The following CNTNAP2 variants were observed in gnomAD, a reference collection of about 807,000 sequenced individuals.
CNTNAP2 encodes contactin associated protein 2, also known as contactin-associated protein-like 2.
In CNTNAP2, 98 loss-of-function variants were observed where a neutral mutation model predicts 155.2. The ratio of observed to expected loss-of-function variants is 0.63; its 90% CI spans 0.54 to 0.75. The LOEUF is 0.75. Ranked by LOEUF, CNTNAP2 falls within the 30% of genes least tolerant of loss-of-function variation. The probability of loss-of-function intolerance (pLI) is 0.00; values close to 1 mark genes in which losing one functional copy is unlikely to be tolerated. For missense variants in CNTNAP2, 1,727 were observed against 1,688.1 expected (o/e 1.02, Z -0.40); for synonymous variants, 651 against 631.2 (o/e 1.03, Z -0.47).
At chr7:146,335,211 T>C (rs543636575) in intron 1 of CNTNAP2, among the ~76,000 whole-genome samples, 6 of 152,346 alleles carry the variant, frequency 3.9e-5, no homozygotes, top group Non-Finnish European at 8.8e-5. Context: ...GTTTTCATTA[T>C]GACAAAAATA....
In CNTNAP2 at chr7:146,908,136, C is replaced by T. The variant is rs1274352679; in HGVS notation, c.402+68232C>T. ...TATATATGCACCCAATACAGGAGCA[C>T]CCAGATTCATAAAGCAAGTCCTGAG... On this transcript the variant is annotated intron_variant, in intron 3 of 23. Coordinates refer to ENST00000361727, the MANE Select transcript of CNTNAP2 (RefSeq NM_014141.6). Among the ~76,000 whole-genome samples, 9 of 152,184 alleles carry T rather than the reference C, an allele frequency of 5.9e-5. No individual in the cohort carries two copies. In the East Asian group the frequency reaches 1.5e-3, roughly 26 times the overall value.
intron 1 of CNTNAP2, among the ~76,000 whole-genome samples, chr7:146,744,248 AAAAG>A (rs1198020687): frequency 1.3e-5 from 2 of 151,306 alleles, no homozygotes; most frequent in Non-Finnish European, 2.9e-5. Context: ...AAAAAAAAAA[AAAAG>A]CATTTAGATT....
intron 8 of CNTNAP2, among the ~76,000 whole-genome samples, chr7:147,240,921 A>G (rs1455232925): frequency 1.3e-5 from 2 of 152,124 alleles, no homozygotes; most frequent in Non-Finnish European, 2.9e-5. Context: ...GGATTCATTT[A>G]TTTGGGGGTG....
intron 8 of CNTNAP2, among the ~76,000 whole-genome samples, chr7:147,203,563 G>T: frequency 6.6e-6 from 1 of 152,252 alleles, no homozygotes; most frequent in Non-Finnish European, 1.5e-5. Flanking sequence ...TCTAATGACA[G>T]AAACCATGAG....
At chr7:147,784,099 CTCTT>C (rs991543495) in intron 13 of CNTNAP2, among the ~76,000 whole-genome samples, 4 of 151,972 alleles carry the variant, frequency 2.6e-5, no homozygotes, top group Non-Finnish European at 5.9e-5. Context: ...ATGGAATTCT[CTCTT>C]TGTGCATGTC....
chr7:147,741,383 A>G (rs1796953954), intron 13 of CNTNAP2, among the ~76,000 whole-genome samples: 1 of 152,228 alleles, frequency 6.6e-6, no homozygotes, highest in African/African-American at 2.4e-5. Flanking sequence ...TTGCAGTTTA[A>G]TCCATGACCT....
At chr7:146,897,096 A>G (rs1476421288) in intron 3 of CNTNAP2, among the ~76,000 whole-genome samples, 1 of 152,154 alleles carries the variant, frequency 6.6e-6, no homozygotes, top group Admixed American at 6.6e-5. Context: ...TTATGAGGGC[A>G]TCTCTCACTA....
chr7:147,351,296 T>C (rs192788700), intron 9 of CNTNAP2, among the ~76,000 whole-genome samples: 70 of 151,906 alleles, frequency 4.6e-4, no homozygotes, highest in Non-Finnish European at 5.2e-4. Flanking sequence ...AATTTGTATA[T>C]ATTATACTAA....
intron 13 of CNTNAP2, among the ~76,000 whole-genome samples, chr7:147,867,131 T>C (rs945637627): frequency 3.3e-5 from 5 of 152,218 alleles, no homozygotes; most frequent in African/African-American, 1.2e-4. Flanking sequence ...GGAGCTCTTG[T>C]AGGGCAGGCC....
At chr7:147,136,915 C>A (rs907457211) in intron 8 of CNTNAP2, among the ~76,000 whole-genome samples, 1 of 151,728 alleles carries the variant, frequency 6.6e-6, no homozygotes, top group Non-Finnish European at 1.5e-5. Flanking sequence ...AATGTTTCAG[C>A]ATTACTACAA....
chr7:147,428,388 G>T (rs1264042997), intron 10 of CNTNAP2, among the ~76,000 whole-genome samples: 1 of 152,002 alleles, frequency 6.6e-6, no homozygotes, highest in Admixed American at 6.6e-5. Flanking sequence ...CATCTAGACA[G>T]TGTAAGATGA....
intron 1 of CNTNAP2, among the ~76,000 whole-genome samples, chr7:146,494,388 G>T (rs1370511644): frequency 6.6e-6 from 1 of 151,636 alleles, no homozygotes; most frequent in African/African-American, 2.4e-5. Context: ...AAAATGCTTT[G>T]TATGTAGTAA....
chr7:147,142,168 G>A lies in CNTNAP2; in HGVS notation c.1348+9659G>A, dbSNP rs553280213. The stretch of plus-strand genomic sequence containing the variant: ...TCTTGTGCCAGTTTTCAAAGGGAAC[G>A]CTTCCAGTTTTTGCCCATTCAGTAT... On this transcript the variant is annotated intron_variant, in intron 8 of 23. Transcript: ENST00000361727. Among the ~76,000 whole-genome samples, 46 of 152,238 alleles carry A rather than the reference G, an allele frequency of 3.0e-4. 1 individual carries two copies. The highest frequency in any genetic ancestry group is 6.5e-4 in the African/African-American group (27 of 41,546).
At chr7:146,396,094 A>T (rs866468219) in intron 1 of CNTNAP2, among the ~76,000 whole-genome samples, 3 of 152,148 alleles carry the variant, frequency 2.0e-5, no homozygotes, top group African/African-American at 7.2e-5. Context: ...GCCCTGACAC[A>T]TGATAGATCA....
intron 4 of CNTNAP2, among the ~76,000 whole-genome samples, chr7:147,056,592 G>T (rs976359764): frequency 1.3e-5 from 2 of 152,074 alleles, no homozygotes; most frequent in African/African-American, 4.8e-5. Flanking sequence ...GTGTGGGTGT[G>T]TTTTTTGTTG....
At chr7:147,116,349 C>T (rs1800988833) in intron 5 of CNTNAP2, among the ~76,000 whole-genome samples, 1 of 152,188 alleles carries the variant, frequency 6.6e-6, no homozygotes, top group African/African-American at 2.4e-5. Flanking sequence ...TTTGATAGAG[C>T]CACTGTGCTG....
chr7:147,867,948 G>A (rs1168559011), intron 13 of CNTNAP2, among the ~76,000 whole-genome samples: 1 of 152,120 alleles, frequency 6.6e-6, no homozygotes, highest in East Asian at 1.9e-4. Flanking sequence ...GCCTACTTCT[G>A]TCAGCTTGTC....
intron 9 of CNTNAP2, among the ~76,000 whole-genome samples, chr7:147,364,451 G>A (rs904430792): frequency 6.6e-6 from 1 of 152,126 alleles, no homozygotes; most frequent in Non-Finnish European, 1.5e-5. Context: ...TATGTCATGT[G>A]AAGAAACATG....
intron 1 of CNTNAP2, among the ~76,000 whole-genome samples, chr7:146,498,456 A>G (rs1797251607): frequency 6.6e-6 from 1 of 152,184 alleles, no homozygotes; most frequent in Non-Finnish European, 1.5e-5. Flanking sequence ...TTTGTGAAAA[A>G]TACTTGTTTT....
Sources: allele counts gnomAD v4.1 joint callset (sites outside exome capture counted in the v4.1 genomes callset), GRCh38; gene constraint gnomAD v4.1.1; transcripts MANE v1.5; gene names NCBI Gene and HGNC (gene_info 2026-07-23, HGNC 2026-07-21).